Variants in MAPK10 observed in about 807,000 individuals in gnomAD.
The protein encoded by MAPK10 is mitogen-activated protein kinase 10, also known as JNK3 alpha protein kinase.
MAPK10 carries 25 observed loss-of-function variants against 59.3 expected under a neutral mutation model. The observed-to-expected ratio is 0.42, with a 90% confidence interval of 0.31 to 0.59. MAPK10 has a LOEUF of 0.59. Ranked by LOEUF, MAPK10 falls within the 20% of genes least tolerant of loss-of-function variation. The pLI is 0.15. For synonymous variants in MAPK10, 190 were observed against 200.5 expected (o/e 0.95, Z 0.44); for missense variants, 351 against 568.9 (o/e 0.62, Z 3.90).
intron 2 of MAPK10, among the ~76,000 whole-genome samples, chr4:86,216,922 G>C (rs2087838978): frequency 6.6e-6 from 1 of 151,938 alleles, no homozygotes; most frequent in Non-Finnish European, 1.5e-5. Flanking sequence ...TTTTTAATAA[G>C]GTGAAATATT....
At chr4:86,475,354 C>T (rs1338702202) in intron 1 of MAPK10, among the ~76,000 whole-genome samples, 1 of 152,196 alleles carries the variant, frequency 6.6e-6, no homozygotes, top group Non-Finnish European at 1.5e-5. Flanking sequence ...GCCCAAGGAA[C>T]ATCACACCAA....
chr4:86,023,852 A>ATATATATATAT (rs1560633949), intron 13 of MAPK10: 3 of 98,484 alleles, frequency 3.0e-5, no homozygotes, highest in African/African-American at 5.4e-5. Flanking sequence ...TATATATATA[A>ATATATATATAT]AATGAATGTT....
intron 1 of MAPK10, among the ~76,000 whole-genome samples, chr4:86,475,151 G>A (rs1752976285): frequency 6.6e-6 from 1 of 152,086 alleles, no homozygotes; most frequent in Non-Finnish European, 1.5e-5. Flanking sequence ...CAGCCCACCT[G>A]CACCCAGGTG....
Position 86,013,675 on chromosome 4 carries a change from C to T in MAPK10, c.*3553G>A, listed in dbSNP as rs1169149972. 1 of 152,074 alleles carries T rather than the reference C, an allele frequency of 6.6e-6. No individual in the cohort carries two copies. The highest frequency in any genetic ancestry group is 1.5e-5 in the Non-Finnish European group (1 of 68,010). The allele number at this position is 152,074 out of a possible 1,614,324, so 9.4% of individuals were successfully genotyped here. ...TTTTTACTAGTTCCATTTACTAAGG[C>T]CAACTTTCAGTTTTACCAGTCAGCT... On this transcript the variant is annotated 3_prime_UTR_variant, in exon 14 of 14. Coordinates refer to ENST00000641462, the MANE Select transcript of MAPK10 (RefSeq NM_138982.4).
At chr4:86,211,547 C>T (rs747005627) in intron 2 of MAPK10, among the ~76,000 whole-genome samples, 2 of 152,016 alleles carry the variant, frequency 1.3e-5, no homozygotes, top group Non-Finnish European at 2.9e-5. Flanking sequence ...GAATTCACTA[C>T]CACTAGACCT....
rs1283134681 is a variant in MAPK10, at chr4:86,168,811, C to T, written c.67-9344G>A. Among the ~76,000 whole-genome samples the T allele has an allele frequency of 3.9e-5, 6 of 152,306 alleles. No individual in the cohort carries two copies. In the East Asian group the frequency reaches 1.2e-3, roughly 29 times the overall value. The stretch of plus-strand genomic sequence containing the variant: ...CCGAGCAGCCCAACTGGGAGGCACC[C>T]CCCAGTAGGGGCAGACTGACACCTC... On this transcript the variant is annotated intron_variant, in intron 3 of 13. Coordinates refer to ENST00000641462, the MANE Select transcript of MAPK10 (RefSeq NM_138982.4).
chr4:86,584,905 C>G (rs1241227913), intron 1 of MAPK10, among the ~76,000 whole-genome samples: 1 of 152,028 alleles, frequency 6.6e-6, no homozygotes, highest in East Asian at 1.9e-4. Context: ...GACTTTTATC[C>G]AATAAAAGTC....
intron 2 of MAPK10, among the ~76,000 whole-genome samples, chr4:86,220,320 G>T (rs577045238): frequency 6.6e-6 from 1 of 152,166 alleles, no homozygotes; most frequent in African/African-American, 2.4e-5. Flanking sequence ...CATGCTAAAT[G>T]CGTCATCCAG....
intron 11 of MAPK10, among the ~76,000 whole-genome samples, chr4:86,040,611 G>A (rs374845671): frequency 3.9e-5 from 6 of 152,122 alleles, no homozygotes; most frequent in East Asian, 1.9e-4. Context: ...ACATATTCAC[G>A]TAGAGGAAAG....
At chr4:86,317,404 A>C (rs974156311) in intron 2 of MAPK10, among the ~76,000 whole-genome samples, 1 of 152,178 alleles carries the variant, frequency 6.6e-6, no homozygotes, top group African/African-American at 2.4e-5. Context: ...GCCAGACTTA[A>C]ATACTGTATT....
intron 1 of MAPK10, among the ~76,000 whole-genome samples, chr4:86,519,503 A>C (rs1418370603): frequency 1.3e-5 from 2 of 152,144 alleles, no homozygotes; most frequent in East Asian, 3.9e-4. Flanking sequence ...CCTTAAGTTT[A>C]TGTGAGTCCT....
chr4:86,430,550 T>C (rs1747900086), intron 1 of MAPK10, among the ~76,000 whole-genome samples: 2 of 152,196 alleles, frequency 1.3e-5, no homozygotes, highest in Non-Finnish European at 2.9e-5. Context: ...AGTAGTTATA[T>C]ACCATAGAGT....
chr4:86,421,345 A>G (rs951077235), intron 1 of MAPK10, among the ~76,000 whole-genome samples: 1 of 152,178 alleles, frequency 6.6e-6, no homozygotes, highest in Admixed American at 6.5e-5. Flanking sequence ...ATAACAATAA[A>G]TTATAAATTC....
chr4:86,123,350 A>C (rs2059566395), intron 4 of MAPK10, among the ~76,000 whole-genome samples: 1 of 152,112 alleles, frequency 6.6e-6, no homozygotes, highest in Non-Finnish European at 1.5e-5. Context: ...ATAATGCTGC[A>C]ATGAATATGG....
chr4:86,191,131 C>A (rs185045067), intron 3 of MAPK10, among the ~76,000 whole-genome samples: 1 of 152,252 alleles, frequency 6.6e-6, no homozygotes, highest in African/African-American at 2.4e-5. Context: ...GATTTCCATT[C>A]TTTTGCATTT....
chr4:86,399,583 C>G (rs759813781), intron 1 of MAPK10, among the ~76,000 whole-genome samples: 1 of 152,012 alleles, frequency 6.6e-6, no homozygotes, highest in Non-Finnish European at 1.5e-5. Context: ...ATATTATGAC[C>G]ATTTTGAGGG....
At chr4:86,378,824 T>C (rs1200315589) in intron 1 of MAPK10, among the ~76,000 whole-genome samples, 1 of 152,126 alleles carries the variant, frequency 6.6e-6, no homozygotes, top group African/African-American at 2.4e-5. Flanking sequence ...TTAAGAAGAC[T>C]AGGGCAGGCT....
chr4:86,267,787 A>G (rs1270558283), intron 2 of MAPK10, among the ~76,000 whole-genome samples: 1 of 152,060 alleles, frequency 6.6e-6, no homozygotes, highest in Non-Finnish European at 1.5e-5. Flanking sequence ...GTGGCCTTCC[A>G]TGATCTCACT....
intron 1 of MAPK10, among the ~76,000 whole-genome samples, chr4:86,407,885 G>T (rs1235917172): frequency 6.6e-6 from 1 of 151,800 alleles, no homozygotes; most frequent in Non-Finnish European, 1.5e-5. Flanking sequence ...TTCAGGCCGG[G>T]TGAGCAAAAT....
Sources: gnomAD v4.1 joint callset for allele counts (sites outside exome capture counted in the v4.1 genomes callset) on GRCh38, gnomAD v4.1.1 for gene constraint, MANE v1.5 for transcripts, NCBI Gene and HGNC (gene_info 2026-07-23, HGNC 2026-07-21) for gene names.